Variants in LSR observed in about 807,000 individuals in gnomAD.
LSR encodes the protein lipolysis stimulated lipoprotein receptor.
In LSR, 44 loss-of-function variants were observed where a neutral mutation model predicts 61.8. The ratio of observed to expected loss-of-function variants is 0.71; its 90% CI spans 0.56 to 0.91. LSR has a LOEUF of 0.91. LSR is among the 40% of genes least tolerant of loss of function. The pLI is 0.00. For synonymous variants in LSR, 397 were observed against 350.6 expected, an observed-to-expected ratio of 1.13 and a Z score of -1.48; for missense variants, 911 against 830.5, an observed-to-expected ratio of 1.10 and a Z score of -1.19.
intron 5 of LSR, among the ~76,000 whole-genome samples, chr19:35,265,872 G>C (rs2065990607): frequency 6.6e-6 from 1 of 152,180 alleles, no homozygotes; most frequent in Non-Finnish European, 1.5e-5. Flanking sequence ...CAGGGGCTTG[G>C]CTGCCAAAGA....
At chr19:35,260,322 C>T (rs1448333052) in intron 3 of LSR, among the ~76,000 whole-genome samples, 6 of 118,344 alleles carry the variant, frequency 5.1e-5, no homozygotes, top group African/African-American at 9.5e-5. Context: ...GATGGAGTCT[C>T]GTTCTGTCGC....
chr19:35,262,634 TTGC>T lies in LSR; in HGVS notation c.728_730del (p.Cys243del), dbSNP rs1169703305. 3 of 1,614,080 alleles carry T rather than the reference TTGC, an allele frequency of 1.9e-6. No homozygotes were observed. The highest frequency in any genetic ancestry group is 2.7e-5 in the African/African-American group (2 of 74,938). Reference sequence around the variant, plus strand: ...GCTGGTGCCAGTGCTGCCCGCACACTTGCTGCTGCTACGTCAGGTGCCCCTGCT... The same window carrying T: ...GCTGGTGCCAGTGCTGCCCGCACACTTGCTGCTACGTCAGGTGCCCCTGCT... On this transcript the variant is annotated inframe_deletion, in exon 5 of 10. Transcript: ENST00000605618.
At chr19:35,260,857 C>CAT (rs2065919039) in intron 3 of LSR, among the ~76,000 whole-genome samples, 1 of 151,692 alleles carries the variant, frequency 6.6e-6, no homozygotes, top group Admixed American at 6.6e-5. Flanking sequence ...CACACACACG[C>CAT]ATATAGTCCA....
At chr19:35,254,440 G>A (rs1286054207) in intron 2 of LSR, among the ~76,000 whole-genome samples, 1 of 152,162 alleles carries the variant, frequency 6.6e-6, no homozygotes, top group East Asian at 1.9e-4. Context: ...AAGGTAGAAG[G>A]CTGTCCACTC....
rs2066035664 is a variant in LSR at position 35,267,556 on chromosome 19, C to A, written c.1592C>A (p.Ser531Tyr). ...HRTRDPRDNG[S>Y]RSGDLPYDGR... ...ACCCGGGACCCTCGGGACAACGGCT[C>A]CAGGTCCGGGGACCTCCCCTATGAT... The change falls in exon 9 of 10, where the codon TCC (serine) becomes TAC (tyrosine). Residue 531 changes from serine to tyrosine, a missense_variant. Transcript: ENST00000605618. 2 of 1,612,156 alleles carry A rather than the reference C, an allele frequency of 1.2e-6. No homozygotes were observed. Among genetic ancestry groups the A allele is most frequent in the African/African-American group, 2.7e-5 (2 of 74,922 alleles).
intron 5 of LSR, chr19:35,264,602 T>G (rs999608103): frequency 2.0e-5 from 3 of 152,228 alleles, no homozygotes. Flanking sequence ...GACCAGCCTG[T>G]GTGCACACAG....
rs368300850 is a variant in LSR at position 35,250,569 on chromosome 19, G to A, written c.364G>A (p.Val122Met). Residue 122 changes from valine (V) to methionine (M), a missense_variant, in exon 2 of 10, where the codon GTG (valine) becomes ATG (methionine). Transcript: ENST00000605618. ...CCCCTACGTTGAGTGCCAGGACAGC[G>A]TGCGCACCGTCAGGGTCGTGGCCAC... ...YNPYVECQDS[V>M]RTVRVVATKQ... 4 of 1,613,278 alleles carry A rather than the reference G, an allele frequency of 2.5e-6. No individual in the cohort carries two copies. The highest frequency in any genetic ancestry group is 1.3e-5 in the African/African-American group (1 of 74,894).
intron 5 of LSR, chr19:35,262,957 C>G (rs1348254418): frequency 4.6e-6 from 2 of 430,352 alleles, no homozygotes; most frequent in African/African-American, 4.0e-5. Flanking sequence ...GTACAAGATA[C>G]TAGTCACATG....
Position 35,249,037 on chromosome 19 carries a change from C to A in LSR, c.15C>A (p.Ala5=), listed in dbSNP as rs1347880943. The A allele has an allele frequency of 6.3e-7, 1 of 1,595,654 alleles. No individual in the cohort carries two copies. Among genetic ancestry groups the A allele is most frequent in the South Asian group, 1.1e-5 (1 of 89,610 alleles). MALL[A]GGLSRGLGSH... is the part of the protein sequence containing the mutation. ...AGACGGCCGCGATGGCGCTGTTGGC[C>A]GGCGGGCTCTCCAGAGGGCTGGGCT... Residue 5 remains alanine (A), a synonymous_variant, in exon 1 of 10, where the codon GCC becomes GCA. Coordinates refer to ENST00000605618, the MANE Select transcript of LSR (RefSeq NM_205834.4).
At chr19:35,265,520 A>C (rs2065985680) in intron 5 of LSR, among the ~76,000 whole-genome samples, 1 of 152,012 alleles carries the variant, frequency 6.6e-6, no homozygotes. Flanking sequence ...TTCCAAACCA[A>C]ATCAGAGGTG....
chr19:35,260,994 G>T (rs1011775616), intron 3 of LSR, among the ~76,000 whole-genome samples: 2 of 152,232 alleles, frequency 1.3e-5, no homozygotes, highest in African/African-American at 4.8e-5. Context: ...TGGCCTTGTG[G>T]ACAGGACCAC....
At chr19:35,252,684 A>G (rs2065809512) in intron 2 of LSR, among the ~76,000 whole-genome samples, 1 of 150,062 alleles carries the variant, frequency 6.7e-6, no homozygotes, top group African/African-American at 2.4e-5. Flanking sequence ...CCGTCAAGGT[A>G]TAAGAATGTC....
intron 2 of LSR, among the ~76,000 whole-genome samples, chr19:35,254,070 G>A (rs140438874): frequency 1.3e-3 from 191 of 152,190 alleles, no homozygotes; most frequent in African/African-American, 4.3e-3. Flanking sequence ...TGGACTCCCC[G>A]TGGTGTTCCT....
intron 5 of LSR, among the ~76,000 whole-genome samples, chr19:35,266,054 G>C (rs1220768103): frequency 6.6e-6 from 1 of 152,218 alleles, no homozygotes; most frequent in Non-Finnish European, 1.5e-5. Flanking sequence ...AAATGTTGGC[G>C]AATTACCATG....
In LSR at chr19:35,250,529, G is replaced by C; in HGVS notation, c.324G>C (p.Gly108=). ...AGCTCAATGCCCAGCTGGCAGCCGG[G>C]AACCCAGGCTACAACCCCTACGTTG... is the stretch of plus-strand genomic sequence containing the variant. ...DNQLNAQLAA[G]NPGYNPYVEC... Residue 108 remains glycine (G), a synonymous_variant, in exon 2 of 10, where the codon GGG becomes GGC. Transcript: ENST00000605618. 6.2e-7 allele frequency: 1 copy of C among 1,614,152 alleles called. No individual in the cohort carries two copies. The highest frequency in any genetic ancestry group is 8.5e-7 in the Non-Finnish European group (1 of 1,180,020).
chr19:35,252,648 C>CA (rs57052855), intron 2 of LSR, among the ~76,000 whole-genome samples: 9,812 of 74,398 alleles, frequency 0.13, 757 homozygotes, highest in South Asian at 0.2. Flanking sequence ...GACTCTGTCT[C>CA]AAAAAAAAAA....
intron 2 of LSR, among the ~76,000 whole-genome samples, chr19:35,256,708 A>G (rs968512555): frequency 1.6e-5 from 2 of 122,846 alleles, no homozygotes; most frequent in African/African-American, 6.2e-5. Flanking sequence ...GGATGAATGA[A>G]TGAATGAATG....
rs1396899513 is a variant in LSR at position 35,267,706 on chromosome 19, AG to A, written c.1744del (p.Ala582ArgfsTer13). The A allele has an allele frequency of 6.2e-7, 1 of 1,602,244 alleles. No homozygotes were observed. The highest frequency in any genetic ancestry group is 8.5e-7 in the Non-Finnish European group (1 of 1,175,428). On this transcript the variant is annotated frameshift_variant, in exon 9 of 10. Coordinates refer to ENST00000605618, the MANE Select transcript of LSR (RefSeq NM_205834.4). LOFTEE classifies it high-confidence loss of function. ...CCCCCGTACTCGGAGACCGACTCGC[AG>A]GCGTCCCGAGAGCGCAGGCTCAAGA... ...APPPYSETDS[Q>X]ASRERRLKKN... is the part of the protein sequence containing the mutation.
chr19:35,257,240 T>G (rs1237655157), intron 2 of LSR, among the ~76,000 whole-genome samples: 1 of 152,124 alleles, frequency 6.6e-6, no homozygotes, highest in Non-Finnish European at 1.5e-5. Flanking sequence ...GCCCACATTT[T>G]CACCAGGCAA....
Sources: gnomAD v4.1 joint callset for allele counts (sites outside exome capture counted in the v4.1 genomes callset) on GRCh38, gnomAD v4.1.1 for gene constraint, MANE v1.5 for transcripts, NCBI Gene and HGNC (gene_info 2026-07-23, HGNC 2026-07-21) for gene names.